The following ZNF3 variants were observed in gnomAD, a reference collection of about 807,000 sequenced individuals.
ZNF3 encodes the protein C2-H2 type zinc finger protein.
Under a neutral mutation model 36.9 loss-of-function variants are expected in ZNF3, and 16 were observed. The observed-to-expected ratio is 0.43, with a 90% CI of 0.29 to 0.66. The LOEUF (loss-of-function observed/expected upper bound fraction) is 0.66, where lower values mean the gene tolerates loss of function less well. Among genes scored for constraint, ZNF3 ranks in the 30% least tolerant of loss-of-function variants. The pLI, the probability that ZNF3 is intolerant of heterozygous loss-of-function variation, is 0.13. For synonymous variants in ZNF3, 201 were observed against 201.9 expected (o/e 1.00, Z 0.04); for missense variants, 462 against 543.1 (o/e 0.85, Z 1.48).
chr7:100,074,175 T>G (rs543396160), intron 5 of ZNF3, among the ~76,000 whole-genome samples: 2 of 152,082 alleles, frequency 1.3e-5, no homozygotes, highest in Non-Finnish European at 2.9e-5. Flanking sequence ...GGTACCAGAT[T>G]TGGAGTTAAA....
Position 100,070,981 on chromosome 7 carries a change from G to A in ZNF3, c.*162C>T, listed in dbSNP as rs1554362752. On this transcript the variant is annotated 3_prime_UTR_variant, in exon 6 of 6. Coordinates refer to ENST00000299667, the MANE Select transcript of ZNF3 (RefSeq NM_032924.5). ...CTTGCCTTGACGCTTTCTAAGGCTG[G>A]TGTGATTTCTGGGAAAATTCAACGA... 1.4e-6 allele frequency: 2 copies of A among 1,443,426 alleles called. No homozygotes were observed. The highest frequency in any genetic ancestry group is 1.6e-5 in the South Asian group (1 of 62,726). The allele number at this position is 1,443,426 out of a possible 1,614,324, so 89.4% of individuals were successfully genotyped here.
chr7:100,074,709 T>G (rs1366796762), intron 5 of ZNF3, among the ~76,000 whole-genome samples: 1 of 152,222 alleles, frequency 6.6e-6, no homozygotes. Context: ...GAGTTAAGAT[T>G]ATTGTTCTTA....
chr7:100,082,012 C>T (rs1474114643), upstream of ZNF3, among the ~76,000 whole-genome samples: 3 of 152,166 alleles, frequency 2.0e-5, no homozygotes, highest in Non-Finnish European at 4.4e-5. Context: ...TCCAGCGTCG[C>T]CGGCCTTGGG....
At chr7:100,079,839 A>AG (rs1369515331) in intron 1 of ZNF3, among the ~76,000 whole-genome samples, 183 bp from the exon 2 acceptor site, 1 of 152,014 alleles carries the variant, frequency 6.6e-6, no homozygotes, top group Non-Finnish European at 1.5e-5. Flanking sequence ...CTGGGACTAA[A>AG]GGTGTGCACT....
chr7:100,071,091 G>C lies in ZNF3; in HGVS notation c.*52C>G. ...AAGCTGTTGAGATTTATAGGGTAAG[G>C]CAAGAGCTCTTGAGACTCAGGGAAA... is the stretch of plus-strand genomic sequence containing the variant. On this transcript the variant is annotated 3_prime_UTR_variant, in exon 6 of 6. Coordinates refer to ENST00000299667, the MANE Select transcript of ZNF3 (RefSeq NM_032924.5). 4 of 1,531,784 alleles carry C rather than the reference G, an allele frequency of 2.6e-6. No individual in the cohort carries two copies. The South Asian group carries it at 3.9e-5, about 15-fold the overall frequency. 94.9% of individuals were successfully genotyped at this position (1,531,784 alleles called of 1,614,324 possible). A position where few individuals can be genotyped will look rare whatever the true frequency, so the allele number is the denominator to read the frequency against.
At chr7:100,067,466 CATT>C (rs1792707422), downstream of ZNF3, among the ~76,000 whole-genome samples, 2 of 152,128 alleles carry the variant, frequency 1.3e-5, no homozygotes, top group Non-Finnish European at 1.5e-5. Context: ...ACAGGGGTCT[CATT>C]ATATTGCCTA....
downstream of ZNF3, chr7:100,069,849 G>T: frequency 1.4e-6 from 1 of 731,372 alleles, no homozygotes. Context: ...CAGACCTCAG[G>T]TGATCTGCCT....
chr7:100,064,527 C>T, exon 6 of ZNF3: 1 of 1,614,212 alleles, frequency 6.2e-7, no homozygotes. Context: ...AAAAGCCCTA[C>T]TGGTGTCATC....
downstream of ZNF3, among the ~76,000 whole-genome samples, chr7:100,065,554 A>G (rs989059743): frequency 6.6e-6 from 1 of 151,424 alleles, no homozygotes; most frequent in African/African-American, 2.4e-5. Context: ...ATCAGCCACA[A>G]CTCGTCGGTT....
At chr7:100,081,990 C>T (rs2116509282), upstream of ZNF3, among the ~76,000 whole-genome samples, 2 of 152,254 alleles carry the variant, frequency 1.3e-5, 1 homozygote, top group South Asian at 4.1e-4. This position sits in a 1 kb window ranked among gnomAD's most constrained non-coding sequence, Gnocchi z 4.3. Context: ...TCCTGGGCCT[C>T]AGGACATGTG....
rs1052148911 is a variant in ZNF3 at position 100,081,720 on chromosome 7, G to C, written c.-283C>G. On this transcript the variant is annotated 5_prime_UTR_variant, in exon 1 of 6. Transcript: ENST00000299667. The surrounding 1 kb of genome is among the most constrained non-coding windows in gnomAD (Gnocchi z 4.3). Reference sequence around the variant, plus strand: ...GTCACAGACCCACACACCGGGGACAGAACAAAGAACGGAAGTTCCCCCTCG... The same window carrying C: ...GTCACAGACCCACACACCGGGGACACAACAAAGAACGGAAGTTCCCCCTCG... 2 of 152,514 alleles carry C rather than the reference G, an allele frequency of 1.3e-5. No individual in the cohort carries two copies. Among genetic ancestry groups the C allele is most frequent in the Non-Finnish European group, 2.9e-5 (2 of 68,256 alleles). The allele number at this position is 152,514 out of a possible 1,614,324, so 9.4% of individuals were successfully genotyped here. A position where few individuals can be genotyped will look rare whatever the true frequency, so the allele number is the denominator to read the frequency against.
chr7:100,071,803 G>C lies in ZNF3; in HGVS notation c.681C>G (p.Pro227=), dbSNP rs1271828570. The stretch of plus-strand genomic sequence containing the variant: ...CCTTCCCACACTCATTACATTCATA[G>C]GGCTTTTCCCCAGTGTGGATTCTCT... The part of the protein sequence containing the change: ...QHQRIHTGEK[P]YECNECGKAF... Residue 227 remains proline, a synonymous_variant, in exon 6 of 6, where the codon CCC becomes CCG. Transcript: ENST00000299667. The C allele has an allele frequency of 4.3e-6, 7 of 1,613,600 alleles. No homozygotes were observed. The highest frequency in any genetic ancestry group is 5.9e-6 in the Non-Finnish European group (7 of 1,179,760).
intron 3 of ZNF3, 197 bp downstream of exon 3, chr7:100,077,106 A>G (rs1217002340): frequency 5.0e-6 from 3 of 597,518 alleles, no homozygotes; most frequent in Non-Finnish European, 8.8e-6. Flanking sequence ...ATCTGCCTCA[A>G]TTATCAAACC....
In ZNF3 at chr7:100,070,686, A is replaced by C. The variant is rs1387526340; in HGVS notation, c.*457T>G. The stretch of plus-strand genomic sequence containing the variant: ...ACAAAACAGCATGTTTCTTACCGAA[A>C]CTTAAAGCTGGACTAGGAACAGTAG... On this transcript the variant is annotated 3_prime_UTR_variant, in exon 6 of 6. Transcript: ENST00000299667. 18 of 992,810 alleles carry C rather than the reference A, an allele frequency of 1.8e-5. No homozygotes were observed. Among genetic ancestry groups the C allele is most frequent in the Non-Finnish European group, 2.2e-5 (18 of 834,296 alleles). The allele number at this position is 992,810 out of a possible 1,614,324, so 61.5% of individuals were successfully genotyped here. A position where few individuals can be genotyped will look rare whatever the true frequency, so the allele number is the denominator to read the frequency against.
rs991677515 is a variant in ZNF3, at chr7:100,081,245, C to T, written c.-198+390G>A. 1.3e-5 allele frequency among the ~76,000 whole-genome samples: 2 copies of T among 152,226 alleles called. No homozygotes were observed. Among genetic ancestry groups the T allele is most frequent in the African/African-American group, 4.8e-5 (2 of 41,464 alleles). On this transcript the variant is annotated intron_variant, in intron 1 of 5. Transcript: ENST00000299667. The surrounding 1 kb of genome is among the most constrained non-coding windows in gnomAD (Gnocchi z 4.3). ...GCTGCGTAAAAATAAACTTCCTCTC[C>T]TGCCACGGGCGCGAATAACTGTGTT... is the stretch of plus-strand genomic sequence containing the variant.
chr7:100,065,892 A>AGTGGT (rs1239553328), downstream of ZNF3, among the ~76,000 whole-genome samples: 17 of 146,496 alleles, frequency 1.2e-4, no homozygotes, highest in East Asian at 3.4e-3. Flanking sequence ...TCTGGAGGGC[A>AGTGGT]ATGGTAAGTT....
At chr7:100,065,910 C>T (rs542763454), downstream of ZNF3, among the ~76,000 whole-genome samples, 10 of 144,768 alleles carry the variant, frequency 6.9e-5, no homozygotes, top group South Asian at 4.8e-4. Context: ...GTTTTAGATC[C>T]GTGTCATACT....
At position 100,071,319 on chromosome 7, in the gene ZNF3, T is replaced by C. The variant is rs1187737529; in HGVS notation, c.1165A>G (p.Ile389Val). The C allele has an allele frequency of 3.1e-6, 5 of 1,614,194 alleles. No homozygotes were observed. The highest frequency in any genetic ancestry group is 4.2e-6 in the Non-Finnish European group (5 of 1,180,030). Reference protein sequence around the residue: ...YSSGLIQHQRIHTGENPYECS... With the variant: ...YSSGLIQHQRVHTGENPYECS... ...TCATAGGGGTTCTCCCCGGTGTGGATTCTTTGATGCTGAATAAGGCCTGAA... is the reference window on the plus strand; with the variant it reads ...TCATAGGGGTTCTCCCCGGTGTGGACTCTTTGATGCTGAATAAGGCCTGAA... Residue 389 changes from isoleucine (I) to valine (V), a missense_variant, in exon 6 of 6, where the codon ATC becomes GTC. Ile to Val is a conservative substitution (Grantham distance 29, BLOSUM62 3). Coordinates refer to ENST00000299667, the MANE Select transcript of ZNF3 (RefSeq NM_032924.5).
chr7:100,068,994 T>TA (rs200760785), downstream of ZNF3, among the ~76,000 whole-genome samples: 602 of 149,138 alleles, frequency 4.0e-3, 4 homozygotes, highest in African/African-American at 0.014. Context: ...TATATATATA[T>TA]AATTTTTTTT....
Sources: gnomAD v4.1 joint callset for allele counts (sites outside exome capture counted in the v4.1 genomes callset) on GRCh38, gnomAD v4.1.1 for gene constraint, Gnocchi (gnomAD v3.1) non-coding constraint, MANE v1.5 for transcripts, NCBI Gene and HGNC (gene_info 2026-07-23, HGNC 2026-07-21) for gene names.